CIB4: variants seen among roughly 807,000 people sequenced by gnomAD.
CIB4 encodes the protein calcium and integrin binding family member 4.
CIB4 carries 25 observed loss-of-function variants against 25.8 expected under a neutral mutation model. The ratio of observed to expected loss-of-function variants is 0.97; its 90% CI spans 0.71 to 1.35. CIB4 has a LOEUF of 1.35. Among genes scored for constraint, CIB4 ranks in the 40% most tolerant of loss-of-function variants. The probability of loss-of-function intolerance (pLI) is 0.00; values close to 1 mark genes in which losing one functional copy is unlikely to be tolerated. For synonymous variants in CIB4, 75 were observed against 81.4 expected, an observed-to-expected ratio of 0.92 and a Z score of 0.42; for missense variants, 235 against 228.2, an observed-to-expected ratio of 1.03 and a Z score of -0.19.
intron 3 of CIB4, chr2:26,623,297 C>A (rs1278975585): frequency 5.5e-6 from 1 of 181,914 alleles, no homozygotes; most frequent in Non-Finnish European, 1.2e-5. Flanking sequence ...GAGCCGTGTT[C>A]ACACCACTGC....
rs1282519460 is a variant in CIB4 at position 26,581,225 on chromosome 2, T to C, written c.*138A>G. The C allele has an allele frequency of 1.4e-6, 1 of 689,850 alleles. No homozygotes were observed. The highest frequency in any genetic ancestry group is 2.6e-6 in the Non-Finnish European group (1 of 390,986). 42.7% of individuals were successfully genotyped at this position (689,850 alleles called of 1,614,324 possible). On this transcript the variant is annotated 3_prime_UTR_variant, in exon 7 of 7. Coordinates refer to ENST00000288861, the MANE Select transcript of CIB4 (RefSeq NM_001029881.3). ...TGGGCTAAGGAAAAGCTTTTTCTTT[T>C]ATCTAATAAACAATATTCTAGAGGT...
intron 3 of CIB4, among the ~76,000 whole-genome samples, chr2:26,600,387 G>C (rs575163100): frequency 6.6e-6 from 1 of 152,308 alleles, no homozygotes; most frequent in East Asian, 1.9e-4. Flanking sequence ...TTGGGTGACA[G>C]AGCAAGACTC....
At chr2:26,589,063 T>TTCTTCC (rs1558554867) in intron 4 of CIB4, among the ~76,000 whole-genome samples, 6 of 48,836 alleles carry the variant, frequency 1.2e-4, no homozygotes, top group African/African-American at 3.7e-4. Flanking sequence ...CTTCTTCCTC[T>TTCTTCC]TCCTCTTCCT....
rs1466979884 is a variant in CIB4, at chr2:26,627,676, TCA to T, written c.186+1732_186+1733del. ...CCTCCCCATTTTGTTTCTGTCACAG[TCA>T]CAGTCTCCGATTCACTCACCTTTCT... On this transcript the variant is annotated intron_variant, in intron 3 of 6. Coordinates refer to ENST00000288861, the MANE Select transcript of CIB4 (RefSeq NM_001029881.3). This position sits in a 1 kb window ranked among gnomAD's most constrained non-coding sequence, Gnocchi z 4.0. 6.6e-6 allele frequency among the ~76,000 whole-genome samples: 1 copy of T among 152,140 alleles called. No individual in the cohort carries two copies. The highest frequency in any genetic ancestry group is 2.4e-5 in the African/African-American group (1 of 41,426).
chr2:26,608,088 C>T (rs566504862), intron 3 of CIB4, among the ~76,000 whole-genome samples: 3 of 152,278 alleles, frequency 2.0e-5, no homozygotes, highest in Admixed American at 2.0e-4. Flanking sequence ...AAATACAAAA[C>T]TTAGCTGAGC....
intron 3 of CIB4, among the ~76,000 whole-genome samples, chr2:26,617,079 G>C (rs1449485158): frequency 6.6e-6 from 1 of 150,866 alleles, no homozygotes; most frequent in Non-Finnish European, 1.5e-5. Flanking sequence ...CGAGACCAGG[G>C]AAGTGGTTTG....
At chr2:26,605,063 AGCATACAGAAAATG>A (rs1668862133) in intron 3 of CIB4, among the ~76,000 whole-genome samples, 1 of 152,226 alleles carries the variant, frequency 6.6e-6, no homozygotes, top group Non-Finnish European at 1.5e-5. Context: ...GAGGATTTAA[AGCATACAGAAAATG>A]TTATTTGAAC....
chr2:26,606,006 C>T (rs1401216914), intron 3 of CIB4, among the ~76,000 whole-genome samples: 2 of 152,140 alleles, frequency 1.3e-5, no homozygotes, highest in African/African-American at 4.8e-5. Context: ...CCTGCCAGCC[C>T]GCAGTTACTC....
intron 2 of CIB4, among the ~76,000 whole-genome samples, chr2:26,640,082 A>C (rs929119306): frequency 7.3e-6 from 1 of 137,418 alleles, no homozygotes; most frequent in African/African-American, 2.6e-5. Flanking sequence ...CCAGCACATC[A>C]CAGGCACCGG....
At chr2:26,614,824 G>T (rs1216653062) in intron 3 of CIB4, among the ~76,000 whole-genome samples, 1 of 152,214 alleles carries the variant, frequency 6.6e-6, no homozygotes, top group Non-Finnish European at 1.5e-5. Flanking sequence ...GGAAGCTGAG[G>T]CTCCGGGAAG....
rs897178626 is a variant in CIB4, at chr2:26,627,631, G to C, written c.186+1779C>G. On this transcript the variant is annotated intron_variant, in intron 3 of 6. Coordinates refer to ENST00000288861, the MANE Select transcript of CIB4 (RefSeq NM_001029881.3). The surrounding 1 kb of genome is among the most constrained non-coding windows in gnomAD (Gnocchi z 4.0). Reference sequence around the variant, plus strand: ...CTGTATGAGGGTGAGGCCAGGAAGTGGGGGGTGCCAGGAAGACCGCCTCCC... The same window carrying C: ...CTGTATGAGGGTGAGGCCAGGAAGTCGGGGGTGCCAGGAAGACCGCCTCCC... Among the ~76,000 whole-genome samples the C allele has an allele frequency of 1.3e-5, 2 of 151,468 alleles. No individual in the cohort carries two copies. The highest frequency in any genetic ancestry group is 2.5e-5 in the African/African-American group (1 of 40,808).
At chr2:26,638,485 C>G (rs937236545) in intron 2 of CIB4, among the ~76,000 whole-genome samples, 3 of 152,160 alleles carry the variant, frequency 2.0e-5, no homozygotes, top group Non-Finnish European at 4.4e-5. Flanking sequence ...TCACTCCTCT[C>G]GTCCACCACC....
At chr2:26,609,964 C>A (rs549816576) in intron 3 of CIB4, among the ~76,000 whole-genome samples, 2 of 152,322 alleles carry the variant, frequency 1.3e-5, no homozygotes, top group South Asian at 4.2e-4. Flanking sequence ...CAAGGGCAGA[C>A]CAGGCAGCGG....
chr2:26,610,213 C>G (rs1427232447), intron 3 of CIB4, among the ~76,000 whole-genome samples: 2 of 150,560 alleles, frequency 1.3e-5, no homozygotes, highest in African/African-American at 4.9e-5. Context: ...TCCCTGTGAA[C>G]TCTGCAGGCT....
chr2:26,597,004 ATTTCATTTGACT>A, intron 3 of CIB4, among the ~76,000 whole-genome samples: 1 of 152,330 alleles, frequency 6.6e-6, no homozygotes, highest in South Asian at 2.1e-4. Flanking sequence ...AATGAACTCA[ATTTCATTTGACT>A]TTTCAAGGTA....
At chr2:26,602,011 G>C (rs994591838) in intron 3 of CIB4, among the ~76,000 whole-genome samples, 2 of 152,154 alleles carry the variant, frequency 1.3e-5, no homozygotes, top group African/African-American at 4.8e-5. Flanking sequence ...AGGAAATTTT[G>C]GGGGTGATGG....
chr2:26,592,276 G>A (rs1380390019), intron 4 of CIB4, among the ~76,000 whole-genome samples: 2 of 152,230 alleles, frequency 1.3e-5, no homozygotes, highest in South Asian at 2.1e-4. Flanking sequence ...GAGCCAGCAC[G>A]GCTGCCACCT....
chr2:26,618,258 G>T (rs1369882315), intron 3 of CIB4, among the ~76,000 whole-genome samples: 1 of 152,126 alleles, frequency 6.6e-6, no homozygotes, highest in Non-Finnish European at 1.5e-5. Context: ...GACCCCTCCA[G>T]CCCAGGTCTC....
At chr2:26,624,144 C>T (rs938373199) in intron 3 of CIB4, among the ~76,000 whole-genome samples, 14 of 152,174 alleles carry the variant, frequency 9.2e-5, no homozygotes, top group African/African-American at 3.1e-4. Context: ...GCTTTTTCCA[C>T]GAGTGAACCC....
Sources: gnomAD v4.1 joint callset for allele counts (sites outside exome capture counted in the v4.1 genomes callset) on GRCh38, gnomAD v4.1.1 for gene constraint, Gnocchi (gnomAD v3.1) non-coding constraint, MANE v1.5 for transcripts, NCBI Gene and HGNC (gene_info 2026-07-23, HGNC 2026-07-21) for gene names.